The following RPS6KC1 variants were observed in gnomAD, a reference collection of about 807,000 sequenced individuals.
RPS6KC1 encodes the protein ribosomal protein S6 kinase C1.
RPS6KC1 carries 54 observed loss-of-function variants against 103.8 expected under a neutral mutation model. The ratio of observed to expected loss-of-function variants is 0.52; its 90% CI spans 0.42 to 0.65. The LOEUF (loss-of-function observed/expected upper bound fraction) is 0.65. Ranked by LOEUF, RPS6KC1 falls within the 30% of genes least tolerant of loss-of-function variation. RPS6KC1 has a pLI of 0.00. For missense variants in RPS6KC1, 1,151 were observed against 1,253.8 expected, an observed-to-expected ratio of 0.92 and a Z score of 1.24; for synonymous variants, 439 against 438.7, an observed-to-expected ratio of 1.00 and a Z score of -0.01.
chr1:213,733,340 A>G, the RPS6KC1 span, among the ~76,000 whole-genome samples: 1 of 151,848 alleles, frequency 6.6e-6, no homozygotes. Context: ...CCCGGGCTCA[A>G]GTTATTCTCC....
At chr1:213,244,187 A>G (rs2094414654) in intron 12 of RPS6KC1, among the ~76,000 whole-genome samples, 1 of 151,576 alleles carries the variant, frequency 6.6e-6, no homozygotes, top group Admixed American at 6.6e-5. Flanking sequence ...ACTTTATTAC[A>G]GTTACTCGAT....
chr1:213,483,363 G>A, the RPS6KC1 span, among the ~76,000 whole-genome samples: 1 of 152,128 alleles, frequency 6.6e-6, no homozygotes, highest in Non-Finnish European at 1.5e-5. Context: ...ACACAATACG[G>A]CTGAGTATTA....
At chr1:213,527,270 A>G in the RPS6KC1 span, among the ~76,000 whole-genome samples, 1 of 152,144 alleles carries the variant, frequency 6.6e-6, no homozygotes. Context: ...AAATCTTACA[A>G]TTTGTAGTGT....
the RPS6KC1 span, among the ~76,000 whole-genome samples, chr1:213,567,703 A>G: frequency 6.6e-6 from 1 of 152,222 alleles, no homozygotes; most frequent in East Asian, 1.9e-4. Flanking sequence ...CCTAAAATAT[A>G]TGAATTATTA....
chr1:213,603,006 T>C, the RPS6KC1 span, among the ~76,000 whole-genome samples: 86 of 152,346 alleles, frequency 5.6e-4, no homozygotes, highest in African/African-American at 2.0e-3. Context: ...TCTCCAGAAC[T>C]GTGTCCTGTT....
chr1:213,362,312 T>A, the RPS6KC1 span, among the ~76,000 whole-genome samples: 4 of 152,232 alleles, frequency 2.6e-5, no homozygotes, highest in Non-Finnish European at 5.9e-5. Flanking sequence ...CTCGGCTATG[T>A]AACTCTAGAG....
intron 1 of RPS6KC1, among the ~76,000 whole-genome samples, chr1:213,069,683 A>T (rs2078691122): frequency 6.6e-6 from 1 of 152,154 alleles, no homozygotes; most frequent in African/African-American, 2.4e-5. Flanking sequence ...ATCTTTTTTT[A>T]AAATTTTTTT....
At chr1:213,504,250 A>G in the RPS6KC1 span, among the ~76,000 whole-genome samples, 1 of 152,154 alleles carries the variant, frequency 6.6e-6, no homozygotes. Flanking sequence ...TTAACTGATT[A>G]TATTTCTTTC....
At chr1:213,846,283 G>A in the RPS6KC1 span, among the ~76,000 whole-genome samples, 23 of 151,886 alleles carry the variant, frequency 1.5e-4, no homozygotes, top group African/African-American at 5.6e-4. Context: ...CTGGGTGACA[G>A]AGCGAGACTC....
At chr1:213,585,786 C>T in the RPS6KC1 span, among the ~76,000 whole-genome samples, 3 of 152,126 alleles carry the variant, frequency 2.0e-5, no homozygotes, top group Non-Finnish European at 4.4e-5. Flanking sequence ...GTCTCTCTAC[C>T]GAGACACATG....
chr1:213,607,030 C>T, the RPS6KC1 span, among the ~76,000 whole-genome samples: 1 of 152,198 alleles, frequency 6.6e-6, no homozygotes, highest in South Asian at 2.1e-4. Context: ...TTCGCCCATG[C>T]TGTGATGGCA....
At chr1:213,596,673 C>T in the RPS6KC1 span, among the ~76,000 whole-genome samples, 1 of 152,258 alleles carries the variant, frequency 6.6e-6, no homozygotes, top group Non-Finnish European at 1.5e-5. Flanking sequence ...TGATAACTGA[C>T]AGCTGGTCAT....
At chr1:213,592,156 T>G in the RPS6KC1 span, among the ~76,000 whole-genome samples, 2 of 152,280 alleles carry the variant, frequency 1.3e-5, no homozygotes, top group African/African-American at 2.4e-5. Flanking sequence ...GTTGTTGGAT[T>G]TGGTATTCAA....
At chr1:213,316,362 T>C in the RPS6KC1 span, among the ~76,000 whole-genome samples, 2 of 152,218 alleles carry the variant, frequency 1.3e-5, no homozygotes, top group African/African-American at 2.4e-5. Flanking sequence ...AATGGACTAA[T>C]ACAGTCAGTT....
At chr1:213,531,670 A>G in the RPS6KC1 span, among the ~76,000 whole-genome samples, 2 of 152,244 alleles carry the variant, frequency 1.3e-5, no homozygotes, top group Non-Finnish European at 2.9e-5. Flanking sequence ...ACTTAGACAT[A>G]TCAAAGTTTA....
At chr1:213,820,350 C>T in the RPS6KC1 span, 2 of 152,192 alleles carry the variant, frequency 1.3e-5, no homozygotes, top group African/African-American at 2.4e-5. Context: ...GGAAAAAGAA[C>T]AAGAAGGAAG....
At chr1:213,119,581 T>C (rs2084150869) in intron 5 of RPS6KC1, among the ~76,000 whole-genome samples, 1 of 150,336 alleles carries the variant, frequency 6.7e-6, no homozygotes, top group African/African-American at 2.5e-5. Flanking sequence ...AATCAAAGGT[T>C]CTGTGATATG....
At chr1:213,524,636 G>A in the RPS6KC1 span, among the ~76,000 whole-genome samples, 3 of 152,180 alleles carry the variant, frequency 2.0e-5, no homozygotes, top group African/African-American at 4.8e-5. Flanking sequence ...GCCATTTACT[G>A]TAAAGTCTCA....
chr1:213,542,114 A>T, the RPS6KC1 span, among the ~76,000 whole-genome samples: 2 of 152,192 alleles, frequency 1.3e-5, no homozygotes, highest in African/African-American at 2.4e-5. Context: ...ATCCACTTAT[A>T]AAAGTCTCCA....
Sources: gnomAD v4.1 joint callset for allele counts (sites outside exome capture counted in the v4.1 genomes callset) on GRCh38, gnomAD v4.1.1 for gene constraint, MANE v1.5 for transcripts, NCBI Gene and HGNC (gene_info 2026-07-23, HGNC 2026-07-21) for gene names.